Variants in PCDH9 observed in about 807,000 individuals in gnomAD.
PCDH9 encodes the protein protocadherin 9.
Under a neutral mutation model 70.6 loss-of-function variants are expected in PCDH9, and 24 were observed. The ratio of observed to expected loss-of-function variants is 0.34; its 90% CI spans 0.25 to 0.48. PCDH9 has a LOEUF of 0.48. PCDH9 is among the 20% of genes least tolerant of loss of function. The pLI is 0.99. For synonymous variants in PCDH9, 562 were observed against 558.5 expected (o/e 1.01, Z -0.09); for missense variants, 1,281 against 1,503.6 (o/e 0.85, Z 2.45).
chr13:66,692,311 G>A (rs1258871984), intron 3 of PCDH9, among the ~76,000 whole-genome samples: 1 of 151,990 alleles, frequency 6.6e-6, no homozygotes, highest in African/African-American at 2.4e-5. Flanking sequence ...AATAAAAAAA[G>A]CATTCCTTTA....
chr13:66,689,956 T>G (rs1489393951), intron 3 of PCDH9, among the ~76,000 whole-genome samples: 1 of 152,194 alleles, frequency 6.6e-6, no homozygotes, highest in Non-Finnish European at 1.5e-5. Flanking sequence ...TCTTTTCAAT[T>G]AAAAGAAATC....
intron 2 of PCDH9, among the ~76,000 whole-genome samples, chr13:67,001,332 A>G (rs959741987): frequency 6.6e-6 from 1 of 152,196 alleles, no homozygotes; most frequent in African/African-American, 2.4e-5. Context: ...GTGTCTTGAG[A>G]GTTTTAAGAA....
intron 4 of PCDH9, among the ~76,000 whole-genome samples, chr13:66,353,419 G>A (rs1174539026): frequency 6.6e-6 from 1 of 152,170 alleles, no homozygotes; most frequent in Non-Finnish European, 1.5e-5. Flanking sequence ...TTCCTGTAGT[G>A]TATCTGTGGA....
chr13:67,041,532 A>ATG (rs1318273344), intron 2 of PCDH9, among the ~76,000 whole-genome samples: 3 of 152,134 alleles, frequency 2.0e-5, no homozygotes, highest in African/African-American at 7.2e-5. Context: ...CAGGTACCCT[A>ATG]AGACTGTACC....
Position 66,540,236 on chromosome 13 carries a change from T to C in PCDH9, c.3340+90974A>G, listed in dbSNP as rs552694289. Among the ~76,000 whole-genome samples, 166 of 152,154 alleles carry C rather than the reference T, an allele frequency of 1.1e-3. 1 individual carries two copies. The highest frequency in any genetic ancestry group is 3.8e-3 in the African/African-American group (158 of 41,518). On this transcript the variant is annotated intron_variant, in intron 4 of 4. Coordinates refer to ENST00000377865, the MANE Select transcript of PCDH9 (RefSeq NM_203487.3). ...TTCTAAATAAAACTGAGCAATAATA[T>C]ATTGAATTTTGGGGAAAAAAGGCAG...
At position 66,326,874 on chromosome 13, in the gene PCDH9, C is replaced by CTA. The variant is rs1325520337; in HGVS notation, c.3341-21847_3341-21846insTA. ...AAACATACAAAACAAAATGCCTCTT[C>CTA]TTCCCCACCCAACTTAAGCACAATG... is the stretch of plus-strand genomic sequence containing the variant. On this transcript the variant is annotated intron_variant, in intron 4 of 4. Transcript: ENST00000377865. Among the ~76,000 whole-genome samples, 1,118 of 152,256 alleles carry CTA rather than the reference C, an allele frequency of 7.3e-3. 8 individuals carry two copies. Among genetic ancestry groups the CTA allele is most frequent in the African/African-American group, 0.025 (1,047 of 41,514 alleles).
intron 4 of PCDH9, among the ~76,000 whole-genome samples, chr13:66,499,778 G>A (rs1959167223): frequency 6.6e-6 from 1 of 152,192 alleles, no homozygotes; most frequent in Non-Finnish European, 1.5e-5. Flanking sequence ...TTAGTTGGAG[G>A]TATTGGATCA....
chr13:67,042,515 A>G (rs921235932), intron 2 of PCDH9, among the ~76,000 whole-genome samples: 2 of 152,146 alleles, frequency 1.3e-5, no homozygotes, highest in African/African-American at 4.8e-5. Flanking sequence ...CAAAAACAAA[A>G]CAAACACAAA....
At chr13:66,640,316 T>C (rs2077692446) in intron 3 of PCDH9, among the ~76,000 whole-genome samples, 1 of 152,190 alleles carries the variant, frequency 6.6e-6, no homozygotes. Flanking sequence ...CTCAGTTCCC[T>C]GTAGCAGATT....
At chr13:67,038,312 G>A (rs1421759425) in intron 2 of PCDH9, among the ~76,000 whole-genome samples, 1 of 152,086 alleles carries the variant, frequency 6.6e-6, no homozygotes, top group Non-Finnish European at 1.5e-5. Context: ...AATTAAATTT[G>A]ATCACATTCA....
At chr13:66,944,844 T>TGTGC (rs1179519156) in intron 2 of PCDH9, among the ~76,000 whole-genome samples, 1 of 107,292 alleles carries the variant, frequency 9.3e-6, no homozygotes, top group Non-Finnish European at 2.2e-5. Context: ...TGTGTGTGTG[T>TGTGC]GTGTGTGTGT....
intron 4 of PCDH9, among the ~76,000 whole-genome samples, chr13:66,539,452 C>A (rs781152859): frequency 1.3e-5 from 2 of 152,008 alleles, no homozygotes; most frequent in Non-Finnish European, 2.9e-5. Flanking sequence ...TTTTATAGGG[C>A]CTTTCCCCCT....
chr13:66,716,021 GA>G (rs891961098), intron 3 of PCDH9, among the ~76,000 whole-genome samples: 1 of 152,120 alleles, frequency 6.6e-6, no homozygotes, highest in African/African-American at 2.4e-5. Flanking sequence ...ATTGTGGTTG[GA>G]AAAAGCCACT....
chr13:66,866,938 A>C (rs543715563), intron 3 of PCDH9, among the ~76,000 whole-genome samples: 1 of 152,244 alleles, frequency 6.6e-6, no homozygotes, highest in South Asian at 2.1e-4. Flanking sequence ...ACAAAATGGC[A>C]TATTATTACT....
At chr13:66,875,528 T>A (rs1194055525) in intron 3 of PCDH9, among the ~76,000 whole-genome samples, 1 of 152,154 alleles carries the variant, frequency 6.6e-6, no homozygotes, top group Non-Finnish European at 1.5e-5. Context: ...GCTTTGAACA[T>A]TTTTCTTCTT....
chr13:66,768,331 A>G (rs1239565139), intron 3 of PCDH9, among the ~76,000 whole-genome samples: 1 of 151,852 alleles, frequency 6.6e-6, no homozygotes, highest in African/African-American at 2.4e-5. Context: ...ATACTTATTT[A>G]TATAAGCCTA....
At chr13:66,601,044 T>G (rs1407899937) in intron 4 of PCDH9, among the ~76,000 whole-genome samples, 1 of 145,306 alleles carries the variant, frequency 6.9e-6, no homozygotes, top group Non-Finnish European at 1.5e-5. Context: ...ATTTGTACAC[T>G]TCTATGAAGT....
chr13:66,728,231 G>GT (rs2079030336), intron 3 of PCDH9, among the ~76,000 whole-genome samples: 1 of 151,988 alleles, frequency 6.6e-6, no homozygotes, highest in African/African-American at 2.4e-5. Context: ...GACAGCCCTG[G>GT]TTTTGCCGCA....
chr13:66,875,186 T>C (rs906835920), intron 3 of PCDH9, among the ~76,000 whole-genome samples: 10 of 152,160 alleles, frequency 6.6e-5, no homozygotes, highest in African/African-American at 2.4e-4. Context: ...GCCAGCGGCA[T>C]TCAAACAGCA....
Sources: gnomAD v4.1 joint callset for allele counts (sites outside exome capture counted in the v4.1 genomes callset) on GRCh38, gnomAD v4.1.1 for gene constraint, MANE v1.5 for transcripts, NCBI Gene and HGNC (gene_info 2026-07-23, HGNC 2026-07-21) for gene names.